The following CHL1 variants were observed in gnomAD, a reference collection of about 807,000 sequenced individuals.
The protein encoded by CHL1 is neural cell adhesion molecule L1-like protein.
CHL1 carries 96 observed loss-of-function variants against 141.9 expected under a neutral mutation model. That is an observed-to-expected ratio of 0.68 (90% CI 0.57 to 0.80). The LOEUF (loss-of-function observed/expected upper bound fraction) is 0.80. Ranked by LOEUF, CHL1 falls within the 30% of genes least tolerant of loss-of-function variation. The pLI is 0.00. For synonymous variants in CHL1, 613 were observed against 502.2 expected, an observed-to-expected ratio of 1.22 and a Z score of -2.95; for missense variants, 1,820 against 1,457.2, an observed-to-expected ratio of 1.25 and a Z score of -4.05.
chr3:330,867 T>C (rs543265678), intron 5 of CHL1, among the ~76,000 whole-genome samples: 144 of 152,170 alleles, frequency 9.5e-4, no homozygotes, highest in African/African-American at 3.4e-3. Flanking sequence ...CTGTGCAGGG[T>C]TACACAAATC....
chr3:284,769 CTT>C (rs35084231), intron 2 of CHL1, among the ~76,000 whole-genome samples: 67,597 of 148,664 alleles, frequency 0.45, 15,384 homozygotes, highest in South Asian at 0.61. Flanking sequence ...GCGTATTCAT[CTT>C]TTTTTTTTTT....
At chr3:237,225 T>A (rs1307760331) in intron 1 of CHL1, among the ~76,000 whole-genome samples, 1 of 152,212 alleles carries the variant, frequency 6.6e-6, no homozygotes. Flanking sequence ...GAGTGAGGTC[T>A]CACAAGATCT....
chr3:299,361 A>C (rs1461044818), intron 2 of CHL1, among the ~76,000 whole-genome samples: 2 of 152,166 alleles, frequency 1.3e-5, no homozygotes, highest in East Asian at 3.8e-4. Context: ...AGATGGGCTA[A>C]GTTAGCAGCA....
At chr3:385,068 G>A (rs1707514422) in intron 19 of CHL1, among the ~76,000 whole-genome samples, 1 of 152,134 alleles carries the variant, frequency 6.6e-6, no homozygotes, top group African/African-American at 2.4e-5. Flanking sequence ...TTCCTTGAAT[G>A]TGTGGTTATA....
Position 325,930 on chromosome 3 carries a change from T to G in CHL1, c.92-29T>G, listed in dbSNP as rs1258226295. 4.1e-6 allele frequency: 6 copies of G among 1,474,066 alleles called. No homozygotes were observed. In the East Asian group the frequency reaches 1.1e-4, roughly 28 times the overall value. 91.3% of individuals were successfully genotyped at this position (1,474,066 alleles called of 1,614,324 possible). ...AACCTTGCCTGCTGTTTGAATAGTGTGTTTTTAAGTACATATTTTAATATT... is the reference window on the plus strand; with the variant it reads ...AACCTTGCCTGCTGTTTGAATAGTGGGTTTTTAAGTACATATTTTAATATT... On this transcript the variant is annotated intron_variant, in intron 3 of 27. Coordinates refer to ENST00000256509, the MANE Select transcript of CHL1 (RefSeq NM_006614.4).
At chr3:335,420 T>A (rs1334750805) in intron 5 of CHL1, among the ~76,000 whole-genome samples, 1 of 152,148 alleles carries the variant, frequency 6.6e-6, no homozygotes, top group Admixed American at 6.5e-5. Context: ...CCTAAGTGGA[T>A]TAATGGGATG....
rs1272699711 is a variant in CHL1, at chr3:393,423, A to T, written c.2915-1270A>T. Among the ~76,000 whole-genome samples the T allele has an allele frequency of 2.6e-5, 4 of 152,066 alleles. No individual in the cohort carries two copies. The East Asian group carries it at 7.7e-4, about 29-fold the overall frequency. On this transcript the variant is annotated intron_variant, in intron 23 of 27. Transcript: ENST00000256509. Reference sequence around the variant, plus strand: ...ACTTCTCCTTATCCTAACAATAGGAAACTCAACTAATTAAATTCCCACCTT... The same window carrying T: ...ACTTCTCCTTATCCTAACAATAGGATACTCAACTAATTAAATTCCCACCTT...
Position 360,602 on chromosome 3 carries a change from T to TA in CHL1, c.1306+179dup, listed in dbSNP as rs397877823. On this transcript the variant is annotated intron_variant, in intron 12 of 27. Coordinates refer to ENST00000256509, the MANE Select transcript of CHL1 (RefSeq NM_006614.4). The stretch of plus-strand genomic sequence containing the variant: ...GAAATTGTACTTTCTTTTTTTTTTT[T>TA]ATTATACTTTAAGTTTTAGGGTACA... Among the ~76,000 whole-genome samples, 9 of 151,504 alleles carry TA rather than the reference T, an allele frequency of 5.9e-5. No homozygotes were observed. In the East Asian group the frequency reaches 1.2e-3, roughly 20 times the overall value.
intron 5 of CHL1, among the ~76,000 whole-genome samples, chr3:330,078 A>T (rs1274016404): frequency 6.6e-6 from 1 of 152,114 alleles, no homozygotes; most frequent in East Asian, 1.9e-4. Context: ...AACACGGCAA[A>T]ATGAGTTTTT....
intron 15 of CHL1, among the ~76,000 whole-genome samples, chr3:370,917 G>A (rs563439133): frequency 5.3e-5 from 8 of 152,278 alleles, no homozygotes; most frequent in East Asian, 1.9e-4. Flanking sequence ...GTGGTTTTGC[G>A]TGAGTTTCTT....
intron 24 of CHL1, 124 bp downstream of exon 24, chr3:394,996 C>G: frequency 1.3e-6 from 1 of 794,988 alleles, no homozygotes. Context: ...TGTGATCCCA[C>G]TCTGTCTGAC....
chr3:335,931 CA>C (rs1174939323), intron 5 of CHL1, among the ~76,000 whole-genome samples: 1 of 152,082 alleles, frequency 6.6e-6, no homozygotes, highest in African/African-American at 2.4e-5. Flanking sequence ...GAGGAGTAGC[CA>C]AGATGTATTG....
chr3:315,377 G>A (rs1482597351), intron 2 of CHL1, among the ~76,000 whole-genome samples: 1 of 152,132 alleles, frequency 6.6e-6, no homozygotes, highest in Non-Finnish European at 1.5e-5. Context: ...CAGTCAGGAG[G>A]CCACAGTAGC....
intron 25 of CHL1, among the ~76,000 whole-genome samples, chr3:398,696 C>T (rs1323311231): frequency 6.6e-6 from 1 of 152,200 alleles, no homozygotes; most frequent in Non-Finnish European, 1.5e-5. Context: ...CCATGGTCAT[C>T]TGCTTCTAAC....
chr3:321,580 A>G (rs1256901240), intron 3 of CHL1, among the ~76,000 whole-genome samples: 1 of 152,036 alleles, frequency 6.6e-6, no homozygotes, highest in African/African-American at 2.4e-5. Context: ...TTTGACCATA[A>G]TCTCTGGCAT....
In CHL1 at chr3:377,961, G is replaced by T. The variant is rs1393848572; in HGVS notation, c.1876+19G>T. The T allele has an allele frequency of 1.3e-6, 2 of 1,582,328 alleles. No individual in the cohort carries two copies. The highest frequency in any genetic ancestry group is 2.7e-5 in the African/African-American group (2 of 73,004). ...GTTCTTGGTAAGTGCACTAACTAAT[G>T]AGAAATCTGTTCATTTCTTCATTTC... On this transcript the variant is annotated intron_variant, in intron 16 of 27. Transcript: ENST00000256509.
chr3:382,059 T>A, intron 16 of CHL1, 120 bp from the exon 17 acceptor site: 1 of 691,424 alleles, frequency 1.4e-6, no homozygotes, highest in South Asian at 2.0e-5. Context: ...GCGGGGGTGC[T>A]TCCCAGGTCC....
At chr3:365,261 A>G (rs1704733932) in intron 14 of CHL1, among the ~76,000 whole-genome samples, 1 of 152,222 alleles carries the variant, frequency 6.6e-6, no homozygotes, top group Non-Finnish European at 1.5e-5. Context: ...ATCATAATGA[A>G]CCAAACATTT....
At chr3:334,635 T>A (rs1701716950) in intron 5 of CHL1, among the ~76,000 whole-genome samples, 1 of 152,168 alleles carries the variant, frequency 6.6e-6, no homozygotes, top group African/African-American at 2.4e-5. Flanking sequence ...TGCTGAAGAG[T>A]ATTTCACTGC....
Sources: gnomAD v4.1 joint callset for allele counts (sites outside exome capture counted in the v4.1 genomes callset) on GRCh38, gnomAD v4.1.1 for gene constraint, MANE v1.5 for transcripts, NCBI Gene and HGNC (gene_info 2026-07-23, HGNC 2026-07-21) for gene names.